Variants in FBXW4 observed in about 807,000 individuals in gnomAD.
FBXW4 encodes F-box and WD repeat domain containing 4.
Under a neutral mutation model 61.8 loss-of-function variants are expected in FBXW4, and 40 were observed. The observed-to-expected ratio is 0.65, with a 90% CI of 0.50 to 0.84. The LOEUF (loss-of-function observed/expected upper bound fraction) is 0.84. FBXW4 is among the 40% of genes least tolerant of loss of function. The probability of loss-of-function intolerance (pLI) is 0.00; values close to 1 mark genes in which losing one functional copy is unlikely to be tolerated. For missense variants in FBXW4, 672 were observed against 753.8 expected, an observed-to-expected ratio of 0.89 and a Z score of 1.27; for synonymous variants, 311 against 313.8, an observed-to-expected ratio of 0.99 and a Z score of 0.10.
intron 1 of FBXW4, among the ~76,000 whole-genome samples, chr10:101,677,087 G>T (rs1035291): frequency 1 from 151,800 of 152,296 alleles, 75,655 homozygotes; most frequent in East Asian, 1. Context: ...TAAGAAACTC[G>T]CCTACATTGT....
At chr10:101,615,002 G>A (rs1324907145) in intron 6 of FBXW4, among the ~76,000 whole-genome samples, 2 of 152,074 alleles carry the variant, frequency 1.3e-5, no homozygotes, top group Non-Finnish European at 2.9e-5. Flanking sequence ...GGGGAAAAGG[G>A]GACAAAACAA....
chr10:101,651,935 T>C (rs962858650), intron 5 of FBXW4, among the ~76,000 whole-genome samples: 1 of 152,082 alleles, frequency 6.6e-6, no homozygotes. Context: ...CACCTCTAGT[T>C]ATTAAGGTCA....
chr10:101,672,860 C>T (rs543601350), intron 4 of FBXW4, 55 bp downstream of exon 4: 1 of 1,588,856 alleles, frequency 6.3e-7, no homozygotes, highest in Non-Finnish European at 8.6e-7. Flanking sequence ...GATCTATCCA[C>T]CCCCTCCCTA....
intron 6 of FBXW4, among the ~76,000 whole-genome samples, chr10:101,617,743 AAGG>A (rs1437033006): frequency 6.6e-6 from 1 of 152,216 alleles, no homozygotes; most frequent in Non-Finnish European, 1.5e-5. Context: ...ATAAAGGGAT[AAGG>A]AGAAGTGAAA....
intron 5 of FBXW4, among the ~76,000 whole-genome samples, chr10:101,651,223 G>A (rs2064143137): frequency 6.6e-6 from 1 of 152,154 alleles, no homozygotes; most frequent in Non-Finnish European, 1.5e-5. Context: ...GGTGGGAAGG[G>A]GCCCGCCAAA....
chr10:101,661,343 A>C (rs1477197773), intron 5 of FBXW4, among the ~76,000 whole-genome samples: 1 of 152,190 alleles, frequency 6.6e-6, no homozygotes, highest in African/African-American at 2.4e-5. Flanking sequence ...GGGTAATGGC[A>C]GAAATCCAGG....
rs1036825698 is a variant in FBXW4, at chr10:101,694,965, C to G, written c.141G>C (p.Ala47=). ...RKGKGKGKAR[A]GQGGRGSGAE... ...CCCCGCTTCCTCTTCCGCCTTGCCC[C>G]GCTCTCGCTTTTCCCTTCCCCTTCC... The change falls in exon 1 of 9, where the codon GCG becomes GCC. Residue 47 remains alanine (A), a synonymous_variant. Coordinates refer to ENST00000331272, the MANE Select transcript of FBXW4 (RefSeq NM_022039.4). This position sits in a 1 kb window ranked among gnomAD's most constrained non-coding sequence, Gnocchi z 6.0. The G allele has an allele frequency of 5.8e-6, 7 of 1,206,142 alleles. No homozygotes were observed. The highest frequency in any genetic ancestry group is 7.2e-6 in the Non-Finnish European group (7 of 970,580). The allele number at this position is 1,206,142 out of a possible 1,614,324, so 74.7% of individuals were successfully genotyped here.
intron 5 of FBXW4, among the ~76,000 whole-genome samples, chr10:101,627,154 T>C (rs1420722262): frequency 6.6e-6 from 1 of 150,962 alleles, no homozygotes; most frequent in Non-Finnish European, 1.5e-5. Flanking sequence ...CCTCCCAAAG[T>C]GCTAGGATTA....
intron 1 of FBXW4, among the ~76,000 whole-genome samples, chr10:101,678,996 T>G (rs546326252): frequency 6.6e-6 from 1 of 152,152 alleles, no homozygotes; most frequent in Non-Finnish European, 1.5e-5. Context: ...CACACACAGA[T>G]AGTATGAAAG....
chr10:101,671,790 G>A (rs1398198300), intron 4 of FBXW4, among the ~76,000 whole-genome samples: 2 of 152,202 alleles, frequency 1.3e-5, no homozygotes, highest in Non-Finnish European at 2.9e-5. Flanking sequence ...ATGAAGTAGG[G>A]TAATAGGAAG....
chr10:101,677,961 A>G (rs2064432443), intron 1 of FBXW4, among the ~76,000 whole-genome samples: 1 of 152,208 alleles, frequency 6.6e-6, no homozygotes, highest in Non-Finnish European at 1.5e-5. Context: ...ATGTACTGAT[A>G]TCTGTAACTT....
At chr10:101,615,181 G>T (rs1187641222) in intron 6 of FBXW4, among the ~76,000 whole-genome samples, 1 of 152,276 alleles carries the variant, frequency 6.6e-6, no homozygotes, top group East Asian at 1.9e-4. Flanking sequence ...CTCTCACTGT[G>T]GGGGGCGAGA....
In FBXW4 at chr10:101,695,042, C is replaced by G; in HGVS notation, c.64G>C (p.Glu22Gln). The change falls in exon 1 of 9, where the codon GAG (glutamate) becomes CAG (glutamine). Residue 22 changes from glutamate (E) to glutamine (Q), a missense_variant. Physicochemically the swap from Glu to Gln is conservative, Grantham distance 29. Around this residue, in one of 5 missense-constraint regions of FBXW4, gnomAD observed 38 missense variants for 43.3 expected, o/e 0.88. Transcript: ENST00000331272. This position sits in a 1 kb window ranked among gnomAD's most constrained non-coding sequence, Gnocchi z 4.2. ...NGGPGEGEGG[E>Q]ARKLQEGRVA... Reference sequence around the variant, plus strand: ...CTCCCTTCCTGCAGCTTCCTCGCCTCTCCGCCCTCGCCCTCGCCGGGCCCG... The same window carrying G: ...CTCCCTTCCTGCAGCTTCCTCGCCTGTCCGCCCTCGCCCTCGCCGGGCCCG... The G allele has an allele frequency of 9.9e-7, 1 of 1,013,622 alleles. No homozygotes were observed. The allele number at this position is 1,013,622 out of a possible 1,614,324, so 62.8% of individuals were successfully genotyped here.
At chr10:101,673,162 A>G (rs948997341) in intron 3 of FBXW4, 115 bp from the exon 4 acceptor site, 1 of 1,318,474 alleles carries the variant, frequency 7.6e-7, no homozygotes, top group Non-Finnish European at 1.0e-6. Context: ...GCTAAGCATT[A>G]GACAATTCAG....
chr10:101,668,637 G>T (rs1246602921), intron 4 of FBXW4, among the ~76,000 whole-genome samples: 1 of 152,154 alleles, frequency 6.6e-6, no homozygotes, highest in South Asian at 2.1e-4. Flanking sequence ...ATCTCCTACA[G>T]GTTAAAAATA....
At chr10:101,641,495 G>A (rs1362433243) in intron 5 of FBXW4, among the ~76,000 whole-genome samples, 2 of 151,892 alleles carry the variant, frequency 1.3e-5, no homozygotes, top group Non-Finnish European at 2.9e-5. Context: ...CAAAAACTAA[G>A]GGAAAAATAA....
intron 5 of FBXW4, among the ~76,000 whole-genome samples, chr10:101,650,886 T>G (rs2064139813): frequency 6.6e-6 from 1 of 152,112 alleles, no homozygotes; most frequent in Non-Finnish European, 1.5e-5. Flanking sequence ...GATACAAAGA[T>G]CGGGCTCTCG....
chr10:101,646,626 C>A (rs908887420), intron 5 of FBXW4, among the ~76,000 whole-genome samples: 1 of 152,198 alleles, frequency 6.6e-6, no homozygotes. Flanking sequence ...GGAGGGGCAG[C>A]GGCCAGCCCT....
chr10:101,621,506 T>A (rs1364950250), intron 6 of FBXW4, among the ~76,000 whole-genome samples: 1 of 152,048 alleles, frequency 6.6e-6, no homozygotes, highest in Non-Finnish European at 1.5e-5. Flanking sequence ...CCAGCCTGGG[T>A]GACAGAGCAA....
Sources: allele counts gnomAD v4.1 joint callset (sites outside exome capture counted in the v4.1 genomes callset), GRCh38; gene constraint gnomAD v4.1.1; regional missense constraint gnomAD v4.1.1; non-coding constraint Gnocchi (gnomAD v3.1); transcripts MANE v1.5; gene names NCBI Gene and HGNC (gene_info 2026-07-23, HGNC 2026-07-21).